Variants in TOX observed in about 807,000 individuals in gnomAD.
TOX encodes the protein thymocyte selection associated high mobility group box.
TOX carries 11 observed loss-of-function variants against 53.7 expected under a neutral mutation model. The ratio of observed to expected loss-of-function variants is 0.20; its 90% CI spans 0.13 to 0.34. The LOEUF (loss-of-function observed/expected upper bound fraction) is 0.34, where lower values mean the gene tolerates loss of function less well. Ranked by LOEUF, TOX falls within the 10% of genes least tolerant of loss-of-function variation. The probability of loss-of-function intolerance (pLI) is 1.00; values close to 1 mark genes in which losing one functional copy is unlikely to be tolerated. For missense variants in TOX, 570 were observed against 664.6 expected (o/e 0.86, Z 1.56); for synonymous variants, 225 against 245.3 (o/e 0.92, Z 0.77).
chr8:58,972,680 A>C (rs1813021746), intron 1 of TOX, among the ~76,000 whole-genome samples: 1 of 152,190 alleles, frequency 6.6e-6, no homozygotes, highest in Admixed American at 6.5e-5. Flanking sequence ...TGTTTCAGTA[A>C]TCAATTAATG....
chr8:58,875,295 C>A (rs528398377), intron 3 of TOX, among the ~76,000 whole-genome samples: 45 of 152,256 alleles, frequency 3.0e-4, no homozygotes, highest in African/African-American at 1.1e-3. Flanking sequence ...TGAAATTCTG[C>A]TGAGTCAAAT....
At chr8:58,810,758 A>T (rs189619090) in intron 7 of TOX, among the ~76,000 whole-genome samples, 2 of 152,172 alleles carry the variant, frequency 1.3e-5, no homozygotes, top group African/African-American at 4.8e-5. Flanking sequence ...GCGTGGAAAC[A>T]TATGAAAAAG....
At chr8:58,892,588 C>G (rs1280025079) in intron 3 of TOX, among the ~76,000 whole-genome samples, 1 of 152,162 alleles carries the variant, frequency 6.6e-6, no homozygotes, top group Non-Finnish European at 1.5e-5. Flanking sequence ...GCCACAAGAA[C>G]ACTGCCCGTA....
At chr8:59,102,894 C>A (rs1563447319) in intron 1 of TOX, among the ~76,000 whole-genome samples, 3 of 152,112 alleles carry the variant, frequency 2.0e-5, no homozygotes, top group Admixed American at 6.5e-5. Flanking sequence ...CCCCACTTCA[C>A]CCCCAAACTA....
At chr8:59,038,439 T>C (rs1803512175) in intron 1 of TOX, among the ~76,000 whole-genome samples, 1 of 152,226 alleles carries the variant, frequency 6.6e-6, no homozygotes, top group African/African-American at 2.4e-5. Context: ...TCTCCTTTCT[T>C]ATGTAGAGCT....
At chr8:58,870,079 A>G (rs551854156) in intron 3 of TOX, among the ~76,000 whole-genome samples, 2 of 152,306 alleles carry the variant, frequency 1.3e-5, no homozygotes, top group African/African-American at 4.8e-5. Flanking sequence ...ACCTAATGCA[A>G]TAAGACAATG....
intron 1 of TOX, among the ~76,000 whole-genome samples, chr8:59,114,611 C>T (rs918696476): frequency 1.3e-5 from 2 of 152,146 alleles, no homozygotes; most frequent in African/African-American, 4.8e-5. Flanking sequence ...TCCCAAAGTC[C>T]TAGAAGTTAT....
chr8:59,040,328 C>CAAAAAA (rs770561876), intron 1 of TOX, among the ~76,000 whole-genome samples: 10 of 81,230 alleles, frequency 1.2e-4, no homozygotes, highest in South Asian at 9.3e-4. Flanking sequence ...GACTCCGTCT[C>CAAAAAA]AAAAAAAAAA....
intron 1 of TOX, among the ~76,000 whole-genome samples, chr8:58,991,138 C>T (rs1813437716): frequency 6.6e-6 from 1 of 152,196 alleles, no homozygotes; most frequent in Non-Finnish European, 1.5e-5. Flanking sequence ...GTCACCACTA[C>T]CCCATGGTCC....
intron 3 of TOX, among the ~76,000 whole-genome samples, chr8:58,909,279 C>T (rs564386572): frequency 2.0e-5 from 3 of 152,122 alleles, no homozygotes. Flanking sequence ...TTGATAGGTG[C>T]AGCAAACCAC....
chr8:58,959,028 G>C (rs911185366), intron 2 of TOX, among the ~76,000 whole-genome samples: 1 of 152,154 alleles, frequency 6.6e-6, no homozygotes, highest in Non-Finnish European at 1.5e-5. Flanking sequence ...GGATATGTAG[G>C]CATTGAACAT....
At chr8:59,111,856 A>T (rs896794999) in intron 1 of TOX, among the ~76,000 whole-genome samples, 1 of 152,202 alleles carries the variant, frequency 6.6e-6, no homozygotes. Context: ...CACATAATTC[A>T]GGAATGAAAA....
intron 3 of TOX, among the ~76,000 whole-genome samples, chr8:58,857,541 T>C (rs1810935894): frequency 6.6e-6 from 1 of 152,138 alleles, no homozygotes; most frequent in Non-Finnish European, 1.5e-5. Flanking sequence ...ATTTTTCCAA[T>C]TAATGCAAAA....
chr8:58,961,923 A>T (rs1048403066), intron 1 of TOX, among the ~76,000 whole-genome samples: 1 of 152,046 alleles, frequency 6.6e-6, no homozygotes, highest in Admixed American at 6.5e-5. Context: ...ATCTCCACCC[A>T]CTGTTGGAGT....
At chr8:59,030,008 G>A (rs1259453860) in intron 1 of TOX, among the ~76,000 whole-genome samples, 1 of 152,036 alleles carries the variant, frequency 6.6e-6, no homozygotes, top group Non-Finnish European at 1.5e-5. Context: ...CAACGTTTGA[G>A]GATAATTAAC....
intron 3 of TOX, among the ~76,000 whole-genome samples, chr8:58,912,605 A>G (rs185431748): frequency 1.3e-5 from 2 of 152,346 alleles, no homozygotes; most frequent in Admixed American, 1.3e-4. Flanking sequence ...GGTCTGGGAT[A>G]GGACCTAAGA....
chr8:59,036,457 A>G (rs1001382043), intron 1 of TOX, among the ~76,000 whole-genome samples: 1 of 152,160 alleles, frequency 6.6e-6, no homozygotes, highest in African/African-American at 2.4e-5. Flanking sequence ...CTTATCCTGC[A>G]TTTTATTGAA....
At chr8:59,039,112 A>G (rs1034437377) in intron 1 of TOX, among the ~76,000 whole-genome samples, 1 of 152,208 alleles carries the variant, frequency 6.6e-6, no homozygotes, top group Non-Finnish European at 1.5e-5. Context: ...TCCCAAATAC[A>G]CTGAAGTCAC....
intron 3 of TOX, among the ~76,000 whole-genome samples, chr8:58,929,237 G>C (rs60066952): frequency 0.013 from 1,983 of 151,866 alleles, 58 homozygotes; most frequent in African/African-American, 0.046. Context: ...AAAAAGACAC[G>C]CTCTCTGGAT....
Sources: gnomAD v4.1 joint callset for allele counts (sites outside exome capture counted in the v4.1 genomes callset) on GRCh38, gnomAD v4.1.1 for gene constraint, MANE v1.5 for transcripts, NCBI Gene and HGNC (gene_info 2026-07-23, HGNC 2026-07-21) for gene names.